Variants in GABPB2 observed in about 807,000 individuals in gnomAD.
GABPB2 encodes GA binding protein transcription factor subunit beta 2.
Under a neutral mutation model 39.1 loss-of-function variants are expected in GABPB2, and 23 were observed. The ratio of observed to expected loss-of-function variants is 0.59; its 90% confidence interval spans 0.42 to 0.83. The LOEUF (loss-of-function observed/expected upper bound fraction) is 0.83. Among genes scored for constraint, GABPB2 ranks in the 40% least tolerant of loss-of-function variants. The pLI, the probability that GABPB2 is intolerant of heterozygous loss-of-function variation, is 0.00. For synonymous variants in GABPB2, 184 were observed against 199.3 expected (o/e 0.92, Z 0.65); for missense variants, 467 against 541.1 (o/e 0.86, Z 1.36).
chr1:151,116,248 G>A (rs1680851212), intron 7 of GABPB2, among the ~76,000 whole-genome samples: 2 of 152,002 alleles, frequency 1.3e-5, no homozygotes, highest in Non-Finnish European at 1.5e-5. Flanking sequence ...AGAATTAGCC[G>A]GGTGTAGTGG....
chr1:151,078,827 G>A (rs587666047), intron 1 of GABPB2, among the ~76,000 whole-genome samples: 2 of 151,642 alleles, frequency 1.3e-5, no homozygotes, highest in East Asian at 4.0e-4. Flanking sequence ...TTTAGTACAG[G>A]CGGGGTAGTA....
chr1:151,072,795 C>T (rs1259305766), intron 1 of GABPB2, among the ~76,000 whole-genome samples: 1 of 152,142 alleles, frequency 6.6e-6, no homozygotes, highest in Non-Finnish European at 1.5e-5. Flanking sequence ...TGCAGTGAGA[C>T]AAGATCGCGC....
chr1:151,096,469 T>G (rs1444928278), intron 4 of GABPB2, among the ~76,000 whole-genome samples: 1 of 152,106 alleles, frequency 6.6e-6, no homozygotes, highest in Admixed American at 6.6e-5. Context: ...AGCAAGCCAT[T>G]TCTGCTGCAT....
intron 1 of GABPB2, among the ~76,000 whole-genome samples, chr1:151,079,482 A>G (rs1023183734): frequency 6.6e-6 from 1 of 152,134 alleles, no homozygotes; most frequent in Non-Finnish European, 1.5e-5. Context: ...CAGAGGTTGC[A>G]GTGAGCCATG....
At chr1:151,100,580 C>CTTTTTTTTT (rs35251516) in intron 5 of GABPB2, among the ~76,000 whole-genome samples, 1 of 46,688 alleles carries the variant, frequency 2.1e-5, no homozygotes. Flanking sequence ...TGTGCCTGGC[C>CTTTTTTTTT]TTTTTTTTTT....
In GABPB2 at chr1:151,107,564, C is replaced by T. The variant is rs1020853244; in HGVS notation, c.922+342C>T. On this transcript the variant is annotated intron_variant, in intron 7 of 8. Coordinates refer to ENST00000368918, the MANE Select transcript of GABPB2 (RefSeq NM_144618.3). ...TCACCCAGGCTGGAGTGCAGTGGTG[C>T]AATCTCAGCTCACTGCAGGCTCCGC... 2.0e-5 allele frequency among the ~76,000 whole-genome samples: 3 copies of T among 150,688 alleles called. No individual in the cohort carries two copies. The South Asian group carries it at 6.3e-4, about 31-fold the overall frequency.
At chr1:151,106,772 C>T (rs186885262) in intron 6 of GABPB2, among the ~76,000 whole-genome samples, 19 of 152,260 alleles carry the variant, frequency 1.2e-4, no homozygotes, top group Admixed American at 6.5e-4. Context: ...ATTTTGAAAA[C>T]GTATTTATAC....
intron 7 of GABPB2, chr1:151,112,548 G>C (rs1680534214): frequency 6.6e-6 from 1 of 152,032 alleles, no homozygotes; most frequent in African/African-American, 2.4e-5. Flanking sequence ...TCACCATGTT[G>C]GTCAGGCGGG....
chr1:151,097,797 C>T, intron 4 of GABPB2, 55 bp from the exon 5 acceptor site: 1 of 1,498,966 alleles, frequency 6.7e-7, no homozygotes, highest in Non-Finnish European at 9.1e-7. Flanking sequence ...AAAAGAAAGA[C>T]AGAAAAGAAA....
intron 5 of GABPB2, among the ~76,000 whole-genome samples, chr1:151,101,632 G>A (rs1377921114): frequency 6.6e-6 from 1 of 151,996 alleles, no homozygotes; most frequent in Admixed American, 6.6e-5. Flanking sequence ...AGAGGGTGCA[G>A]CAGCTACTTC....
intron 2 of GABPB2, among the ~76,000 whole-genome samples, chr1:151,089,183 A>G (rs1678460367): frequency 1.3e-5 from 2 of 152,184 alleles, no homozygotes; most frequent in African/African-American, 4.8e-5. Flanking sequence ...AACAATTTCA[A>G]TGAATGAGTG....
intron 3 of GABPB2, 106 bp downstream of exon 3, chr1:151,090,679 G>T: frequency 1.7e-6 from 2 of 1,155,914 alleles, no homozygotes; most frequent in Non-Finnish European, 2.5e-6. Context: ...ATTAAGTTTA[G>T]GACAGTTATA....
At chr1:151,077,679 G>A (rs587639928) in intron 1 of GABPB2, among the ~76,000 whole-genome samples, 9 of 151,960 alleles carry the variant, frequency 5.9e-5, no homozygotes, top group African/African-American at 1.2e-4. Context: ...GAGGCCAGGC[G>A]CAGTGGCTCA....
At chr1:151,087,934 G>A (rs1429886992) in intron 1 of GABPB2, among the ~76,000 whole-genome samples, 1 of 152,160 alleles carries the variant, frequency 6.6e-6, no homozygotes, top group Non-Finnish European at 1.5e-5. Flanking sequence ...TAGAAAGGTC[G>A]TAGTGTGTTG....
chr1:151,093,444 G>A, intron 4 of GABPB2, 58 bp downstream of exon 4: 1 of 1,376,364 alleles, frequency 7.3e-7, no homozygotes, highest in Admixed American at 2.6e-5. Flanking sequence ...GGATTTTTTT[G>A]TAGGAGCTGA....
chr1:151,084,903 T>C (rs1329716290), intron 1 of GABPB2, among the ~76,000 whole-genome samples: 1 of 151,854 alleles, frequency 6.6e-6, no homozygotes, highest in Non-Finnish European at 1.5e-5. Flanking sequence ...TTCCTTCATA[T>C]AAAAGTGATG....
At chr1:151,114,798 TCAGGAGTTTGAGAC>T (rs1297570315) in intron 7 of GABPB2, among the ~76,000 whole-genome samples, 1 of 152,078 alleles carries the variant, frequency 6.6e-6, no homozygotes, top group Non-Finnish European at 1.5e-5. Flanking sequence ...TCACCTGAGA[TCAGGAGTTTGAGAC>T]CAGCCTGCCC....
intron 1 of GABPB2, among the ~76,000 whole-genome samples, chr1:151,081,125 G>A (rs7536063): frequency 4.0e-5 from 6 of 151,222 alleles, no homozygotes; most frequent in Non-Finnish European, 7.4e-5. Flanking sequence ...CGCCCGTCTC[G>A]GCCTCCCAAA....
At chr1:151,093,011 A>G (rs1222095461) in intron 3 of GABPB2, among the ~76,000 whole-genome samples, 181 bp from the exon 4 acceptor site, 1 of 152,120 alleles carries the variant, frequency 6.6e-6, no homozygotes, top group Non-Finnish European at 1.5e-5. Context: ...CACTCGTTGA[A>G]AGCATTATGT....
Sources: allele counts gnomAD v4.1 joint callset (sites outside exome capture counted in the v4.1 genomes callset), GRCh38; gene constraint gnomAD v4.1.1; transcripts MANE v1.5; gene names NCBI Gene and HGNC (gene_info 2026-07-23, HGNC 2026-07-21).